Variants in RNF10 observed in about 807,000 individuals in gnomAD.
RNF10 encodes ring finger protein 10.
In RNF10, 38 loss-of-function variants were observed where a neutral mutation model predicts 91.4. The ratio of observed to expected loss-of-function variants is 0.42; its 90% CI spans 0.32 to 0.54. RNF10 has a LOEUF of 0.54. Among genes scored for constraint, RNF10 ranks in the 20% least tolerant of loss-of-function variants. The pLI is 0.16. For missense variants in RNF10, 945 were observed against 1,012.0 expected, an observed-to-expected ratio of 0.93 and a Z score of 0.90; for synonymous variants, 364 against 366.3, an observed-to-expected ratio of 0.99 and a Z score of 0.07.
chr12:120,542,822 G>A (rs1313866991), intron 1 of RNF10, among the ~76,000 whole-genome samples: 1 of 152,182 alleles, frequency 6.6e-6, no homozygotes, highest in Non-Finnish European at 1.5e-5. Context: ...CAAAGTGCTG[G>A]GATTACAGGG....
chr12:120,576,209 C>G (rs1371236544), intron 16 of RNF10, among the ~76,000 whole-genome samples: 1 of 152,182 alleles, frequency 6.6e-6, no homozygotes, highest in Non-Finnish European at 1.5e-5. Flanking sequence ...CAACCTGTAT[C>G]CTTTAGAATC....
rs377306606 is a variant in RNF10, at chr12:120,554,710, A to C, written c.555-8A>C. 1 of 1,610,288 alleles carries C rather than the reference A, an allele frequency of 6.2e-7. No individual in the cohort carries two copies. Among genetic ancestry groups the C allele is most frequent in the Non-Finnish European group, 8.5e-7 (1 of 1,176,722 alleles). Reference sequence around the variant, plus strand: ...AGTCTAGCTTTTTCCTGTCTTTCCTATTTCTAGCTGCCAATTTGTGGTGTC... The same window carrying C: ...AGTCTAGCTTTTTCCTGTCTTTCCTCTTTCTAGCTGCCAATTTGTGGTGTC... On this transcript the variant is annotated splice_region_variant and splice_polypyrimidine_tract_variant and intron_variant, in intron 3 of 16. Transcript: ENST00000325954.
intron 4 of RNF10, among the ~76,000 whole-genome samples, 177 bp from the exon 5 acceptor site, chr12:120,557,105 A>G (rs1236393660): frequency 1.3e-5 from 2 of 152,052 alleles, no homozygotes; most frequent in East Asian, 3.9e-4. Context: ...AAAAAAAGAA[A>G]AAAATGATCA....
At chr12:120,568,200 G>T (rs983264771) in intron 13 of RNF10, among the ~76,000 whole-genome samples, 3 of 151,874 alleles carry the variant, frequency 2.0e-5, no homozygotes, top group African/African-American at 7.3e-5. Flanking sequence ...AGCCCAGATT[G>T]GGCCACTGCA....
Position 120,560,747 on chromosome 12 carries a change from C to G in RNF10, c.989C>G (p.Ser330Cys). The change falls in exon 7 of 17, where the codon TCC becomes TGC. Residue 330 changes from serine (S) to cysteine (C), a missense_variant. Physicochemically the swap from Ser to Cys is moderately radical, Grantham distance 112. Coordinates refer to ENST00000325954, the MANE Select transcript of RNF10 (RefSeq NM_014868.5). ...HLGDEQHSQY[S>C]KLLLASKEQV... The stretch of plus-strand genomic sequence containing the variant: ...ATAGATGAACAGCACAGCCAGTACT[C>G]CAAGTTGCTGCTGGCCTCTAAGGAG... 1.9e-6 allele frequency: 3 copies of G among 1,614,002 alleles called. No individual in the cohort carries two copies. The highest frequency in any genetic ancestry group is 2.5e-6 in the Non-Finnish European group (3 of 1,179,918).
rs571582181 is a variant in RNF10, at chr12:120,550,619, C to T, written c.355-1880C>T. On this transcript the variant is annotated intron_variant, in intron 2 of 16. Transcript: ENST00000325954. ...TTTTGTTTGCTTTTTTTTTTTTGGA[C>T]GAAGTCTCGCTCTGTCGTCCAGGCT... is the stretch of plus-strand genomic sequence containing the variant. 5.4e-5 allele frequency among the ~76,000 whole-genome samples: 8 copies of T among 149,480 alleles called. No individual in the cohort carries two copies. In the East Asian group the frequency reaches 9.8e-4, roughly 18 times the overall value.
In RNF10 at chr12:120,577,184, G is replaced by GTTT; in HGVS notation, c.*527_*529dup. 4.1e-5 allele frequency: 17 copies of GTTT among 415,056 alleles called. No homozygotes were observed. The highest frequency in any genetic ancestry group is 1.5e-4 in the East Asian group (2 of 13,032). The allele number at this position is 415,056 out of a possible 1,614,324, so 25.7% of individuals were successfully genotyped here. A position where few individuals can be genotyped will look rare whatever the true frequency, so the allele number is the denominator to read the frequency against. On this transcript the variant is annotated 3_prime_UTR_variant, in exon 17 of 17. Coordinates refer to ENST00000325954, the MANE Select transcript of RNF10 (RefSeq NM_014868.5). ...TTTAGGACACCCAGTTTGAATTGCA[G>GTTT]TTTTTTTTTTTCTGACACATGGCCA...
intron 2 of RNF10, among the ~76,000 whole-genome samples, chr12:120,551,292 T>G (rs1052793285): frequency 1.4e-4 from 18 of 127,134 alleles, no homozygotes; most frequent in African/African-American, 3.3e-4. Context: ...ATCCTAGTGT[T>G]TTTTTTTTTT....
chr12:120,563,427 T>C lies in RNF10; in HGVS notation c.1335T>C (p.Ala445=). The change falls in exon 9 of 17, where the codon GCT becomes GCC. Residue 445 remains alanine, a synonymous_variant. Coordinates refer to ENST00000325954, the MANE Select transcript of RNF10 (RefSeq NM_014868.5). The part of the protein sequence containing the change: ...CSLDTPSRPL[A]LPLVEEEEAV... ...TGGACACTCCTTCTAGACCTCTTGC[T>C]CTCCCTCTGGTAGAAGAGGAGGAAG... The C allele has an allele frequency of 6.2e-7, 1 of 1,614,090 alleles. No individual in the cohort carries two copies.
chr12:120,572,585 C>CTTGTT (rs542003760), intron 14 of RNF10, among the ~76,000 whole-genome samples: 101 of 151,976 alleles, frequency 6.6e-4, no homozygotes, highest in Middle Eastern at 3.4e-3. Context: ...ATGCCAAATA[C>CTTGTT]TTGTTTTGTT....
At chr12:120,545,832 C>T (rs1409350463) in intron 1 of RNF10, among the ~76,000 whole-genome samples, 1 of 152,254 alleles carries the variant, frequency 6.6e-6, no homozygotes, top group Non-Finnish European at 1.5e-5. Context: ...AGCCATTGCG[C>T]CCAGCCCCCA....
At chr12:120,572,283 G>C (rs1876759312) in intron 14 of RNF10, among the ~76,000 whole-genome samples, 1 of 151,828 alleles carries the variant, frequency 6.6e-6, no homozygotes, top group South Asian at 2.1e-4. Flanking sequence ...AGCCAGTAGG[G>C]TCTCAATCTC....
At chr12:120,541,087 C>T (rs925320663) in intron 1 of RNF10, among the ~76,000 whole-genome samples, 1 of 152,180 alleles carries the variant, frequency 6.6e-6, no homozygotes, top group African/African-American at 2.4e-5. Flanking sequence ...GAACTCCCGA[C>T]CTCAGGTGAT....
chr12:120,538,654 A>G (rs1426064267), intron 1 of RNF10, among the ~76,000 whole-genome samples: 4 of 152,202 alleles, frequency 2.6e-5, no homozygotes, highest in Non-Finnish European at 5.9e-5. Context: ...GAGCAAAGAA[A>G]GAGAGGCAAG....
chr12:120,569,191 A>G (rs1487905262), intron 13 of RNF10, among the ~76,000 whole-genome samples: 1 of 151,294 alleles, frequency 6.6e-6, no homozygotes, highest in Non-Finnish European at 1.5e-5. Flanking sequence ...CTAGTCTCAA[A>G]CTCCTGACCT....
chr12:120,552,937 T>C (rs1873338949), intron 3 of RNF10, among the ~76,000 whole-genome samples: 1 of 152,012 alleles, frequency 6.6e-6, no homozygotes, highest in South Asian at 2.1e-4. Context: ...GTAGAAAACA[T>C]GTTTGGAATT....
chr12:120,564,330 AAAG>A (rs1875355055), intron 10 of RNF10, among the ~76,000 whole-genome samples: 1 of 152,214 alleles, frequency 6.6e-6, no homozygotes, highest in Admixed American at 6.5e-5. Context: ...ATATGCAGAA[AAAG>A]AATAGAAATG....
At chr12:120,567,177 T>G (rs549859223) in intron 13 of RNF10, among the ~76,000 whole-genome samples, 197 bp downstream of exon 13, 1 of 152,314 alleles carries the variant, frequency 6.6e-6, no homozygotes, top group Non-Finnish European at 1.5e-5. Flanking sequence ...CCCTGCCAGC[T>G]TCTAAGCACC....
chr12:120,565,225 G>A (rs750117345), intron 11 of RNF10, 36 bp downstream of exon 11: 7 of 1,436,584 alleles, frequency 4.9e-6, no homozygotes, highest in Admixed American at 1.7e-5. Context: ...CTTTATAGTA[G>A]GGTTCAGGGA....
Sources: gnomAD v4.1 joint callset for allele counts (sites outside exome capture counted in the v4.1 genomes callset) on GRCh38, gnomAD v4.1.1 for gene constraint, MANE v1.5 for transcripts, NCBI Gene and HGNC (gene_info 2026-07-23, HGNC 2026-07-21) for gene names.